FDFT1: variants seen among roughly 807,000 people sequenced by gnomAD.
The protein encoded by FDFT1 is farnesyl-diphosphate farnesyltransferase 1, also known as squalene synthase.
A neutral mutation model predicts 46.8 loss-of-function variants in FDFT1; 68 were observed. The ratio of observed to expected loss-of-function variants is 1.45; its 90% CI spans 1.19 to 1.78. The LOEUF is 1.78. Among genes scored for constraint, FDFT1 ranks in the 40% most tolerant of loss-of-function variants. The pLI is 0.00. For synonymous variants in FDFT1, 351 were observed against 185.1 expected (o/e 1.90, Z -7.28); for missense variants, 928 against 524.4 (o/e 1.77, Z -7.52).
rs571708592 is a variant in FDFT1, at chr8:11,834,522, A to G, written c.1032+2852A>G. ...TGAGCCCCAGGTGCCTAGCTGCTCA[A>G]GGATGGTCCCCAGCCAGCAGCTGCC... On this transcript the variant is annotated intron_variant, in intron 7 of 7. Coordinates refer to ENST00000220584, the MANE Select transcript of FDFT1 (RefSeq NM_004462.5). Among the ~76,000 whole-genome samples, 353 of 152,334 alleles carry G rather than the reference A, an allele frequency of 2.3e-3. 1 individual carries two copies. Among genetic ancestry groups the G allele is most frequent in the African/African-American group, 7.8e-3 (325 of 41,582 alleles).
intron 4 of FDFT1, among the ~76,000 whole-genome samples, chr8:11,823,389 T>TAAAAAA (rs2130822908): frequency 6.6e-6 from 1 of 152,330 alleles, no homozygotes; most frequent in East Asian, 1.9e-4. Flanking sequence ...AATTTTTTTT[T>TAAAAAA]AAATTTCTAG....
At chr8:11,830,508 A>G (rs1810630520) in intron 6 of FDFT1, 88 bp downstream of exon 6, 4 of 920,354 alleles carry the variant, frequency 4.3e-6, no homozygotes, top group South Asian at 1.5e-5. Flanking sequence ...ATATTCAAGG[A>G]TATGATTCCT....
intron 3 of FDFT1, among the ~76,000 whole-genome samples, chr8:11,812,265 C>T (rs984338311): frequency 2.0e-5 from 3 of 152,254 alleles, no homozygotes; most frequent in African/African-American, 7.2e-5. Flanking sequence ...GAGCCCACGT[C>T]TGCGTCCGCA....
At chr8:11,819,933 T>C (rs1258682378) in intron 3 of FDFT1, among the ~76,000 whole-genome samples, 1 of 152,084 alleles carries the variant, frequency 6.6e-6, no homozygotes, top group Non-Finnish European at 1.5e-5. Flanking sequence ...GGCGTTCTGT[T>C]TTTGGAATTT....
intron 1 of FDFT1, among the ~76,000 whole-genome samples, chr8:11,805,919 C>G (rs760119809): frequency 6.6e-6 from 1 of 152,188 alleles, no homozygotes; most frequent in African/African-American, 2.4e-5. Context: ...GTAAGGATCA[C>G]AGGTGATGTC....
intron 5 of FDFT1, among the ~76,000 whole-genome samples, chr8:11,827,019 C>T (rs1415307834): frequency 1.3e-5 from 2 of 152,112 alleles, no homozygotes; most frequent in Non-Finnish European, 2.9e-5. Flanking sequence ...GGGACAGGGT[C>T]GATCTTTAAT....
rs554038088 is a variant in FDFT1 at position 11,836,962 on chromosome 8, G to A, written c.1033-1426G>A. Among the ~76,000 whole-genome samples the A allele has an allele frequency of 1.8e-4, 27 of 152,360 alleles. 1 individual carries two copies. Among genetic ancestry groups the A allele is most frequent in the Non-Finnish European group, 3.2e-4 (22 of 68,032 alleles). ...GATAAAAAGGTGAGTAAGTAGGTGCGGTGTAGTCAGGGTGAAAACTACAGA... is the reference window on the plus strand; with the variant it reads ...GATAAAAAGGTGAGTAAGTAGGTGCAGTGTAGTCAGGGTGAAAACTACAGA... On this transcript the variant is annotated intron_variant, in intron 7 of 7. Transcript: ENST00000220584.
intron 1 of FDFT1, 24 bp downstream of exon 1, chr8:11,802,955 C>G: frequency 6.3e-7 from 1 of 1,579,268 alleles, no homozygotes; most frequent in Admixed American, 1.8e-5. Flanking sequence ...CCCTGCTTGC[C>G]CGGGGCGGGG....
intron 3 of FDFT1, 122 bp downstream of exon 3, chr8:11,809,972 G>A (rs1279568417): frequency 2.7e-6 from 2 of 753,928 alleles, no homozygotes; most frequent in South Asian, 2.2e-5. Flanking sequence ...AGCATAATGT[G>A]AGGGTTAAAA....
intron 1 of FDFT1, among the ~76,000 whole-genome samples, chr8:11,805,005 C>G (rs1261628637): frequency 6.8e-6 from 1 of 146,470 alleles, no homozygotes; most frequent in Non-Finnish European, 1.5e-5. Flanking sequence ...ACTTCCTTGG[C>G]TGAAGCCATC....
intron 7 of FDFT1, among the ~76,000 whole-genome samples, chr8:11,832,305 A>G (rs968428730): frequency 3.3e-5 from 5 of 152,032 alleles, no homozygotes; most frequent in African/African-American, 1.2e-4. Flanking sequence ...CTGAAATCCC[A>G]GCACTTTGGG....
intron 7 of FDFT1, among the ~76,000 whole-genome samples, chr8:11,837,904 C>T (rs994845136): frequency 6.6e-6 from 1 of 152,122 alleles, no homozygotes; most frequent in African/African-American, 2.4e-5. Context: ...GGGAGGACTC[C>T]AGGGTGGTTC....
At chr8:11,804,325 T>C (rs1309738773) in intron 1 of FDFT1, among the ~76,000 whole-genome samples, 1 of 152,188 alleles carries the variant, frequency 6.6e-6, no homozygotes, top group Non-Finnish European at 1.5e-5. Flanking sequence ...AATGGTAGCA[T>C]TGGTTTCCTG....
chr8:11,802,085 G>A, upstream of FDFT1: 1 of 455,220 alleles, frequency 2.2e-6, no homozygotes, highest in Non-Finnish European at 4.4e-6. Context: ...CCTTTTTCTA[G>A]GACTAAGCTG....
At chr8:11,836,520 C>T (rs747504706) in intron 7 of FDFT1, among the ~76,000 whole-genome samples, 1 of 152,232 alleles carries the variant, frequency 6.6e-6, no homozygotes, top group African/African-American at 2.4e-5. Flanking sequence ...CTTGAAGGTC[C>T]CTCAAGATCA....
rs555889495 is a variant in FDFT1, at chr8:11,808,599, G to A, written c.100-195G>A. The A allele has an allele frequency of 2.4e-4, 336 of 1,391,008 alleles. No individual in the cohort carries two copies. The African/African-American group carries it at 4.7e-3, about 19-fold the overall frequency. 86.2% of individuals were successfully genotyped at this position (1,391,008 alleles called of 1,614,324 possible). A position where few individuals can be genotyped will look rare whatever the true frequency, so the allele number is the denominator to read the frequency against. On this transcript the variant is annotated intron_variant, in intron 1 of 7. Transcript: ENST00000220584. The stretch of plus-strand genomic sequence containing the variant: ...GCTGAGTCCCGCCGCGGCGCCCAGG[G>A]GCCCGGGCGCAGGCACCGCCCCGCG...
At chr8:11,802,952 T>C (rs770544825) in intron 1 of FDFT1, 21 bp downstream of exon 1, 1 of 1,581,090 alleles carries the variant, frequency 6.3e-7, no homozygotes, top group Non-Finnish European at 8.6e-7. Flanking sequence ...CCTCCCTGCT[T>C]GCCCGGGGCG....
At chr8:11,830,091 C>T (rs546915719) in intron 5 of FDFT1, among the ~76,000 whole-genome samples, 153 bp from the exon 6 acceptor site, 129 of 152,292 alleles carry the variant, frequency 8.5e-4, no homozygotes, top group Non-Finnish European at 9.8e-4. Context: ...CGTGATCCAC[C>T]CTCCTCGGCC....
chr8:11,803,713 A>T lies in FDFT1; in HGVS notation c.99+782A>T, dbSNP rs140063294. ...TCTGTAACTTTTTTGGGCCAACAGG[A>T]CAGTAGCAAATGTGACTCAGGCCGA... On this transcript the variant is annotated intron_variant, in intron 1 of 7. Coordinates refer to ENST00000220584, the MANE Select transcript of FDFT1 (RefSeq NM_004462.5). The T allele has an allele frequency of 1.5e-3, 358 of 240,582 alleles. 2 individuals are homozygous for T. Among genetic ancestry groups the T allele is most frequent in the Middle Eastern group, 4.9e-3 (3 of 614 alleles). 14.9% of individuals were successfully genotyped at this position (240,582 alleles called of 1,614,324 possible).
Sources: gnomAD v4.1 joint callset for allele counts (sites outside exome capture counted in the v4.1 genomes callset) on GRCh38, gnomAD v4.1.1 for gene constraint, MANE v1.5 for transcripts, NCBI Gene and HGNC (gene_info 2026-07-23, HGNC 2026-07-21) for gene names.